The following WWOX variants were observed in gnomAD, a reference collection of about 807,000 sequenced individuals.
The protein encoded by WWOX is WW domain-containing oxidoreductase.
In WWOX, 69 loss-of-function variants were observed where a neutral mutation model predicts 46.2. The ratio of observed to expected loss-of-function variants is 1.49; its 90% CI spans 1.23 to 1.82. WWOX has a LOEUF of 1.82. Among genes scored for constraint, WWOX ranks in the 40% most tolerant of loss-of-function variants. The probability of loss-of-function intolerance (pLI) is 0.00; values close to 1 mark genes in which losing one functional copy is unlikely to be tolerated. For synonymous variants in WWOX, 359 were observed against 202.6 expected (o/e 1.77, Z -6.56); for missense variants, 919 against 542.6 (o/e 1.69, Z -6.89).
At chr16:79,012,058 T>C (rs2047321543) in intron 8 of WWOX, among the ~76,000 whole-genome samples, 1 of 152,168 alleles carries the variant, frequency 6.6e-6, no homozygotes, top group South Asian at 2.1e-4. Context: ...GAATAAAGTG[T>C]CAAAGCCAAC....
At chr16:78,575,022 AATATATATATATATATATATATATATAT>A (rs1215227335) in intron 8 of WWOX, among the ~76,000 whole-genome samples, 26 of 13,998 alleles carry the variant, frequency 1.9e-3, no homozygotes, top group African/African-American at 3.5e-3. Context: ...TATATATATA[AATATATATATATATATATATATATATAT>A]ATATATATAT....
chr16:79,178,141 G>C (rs1296271785), intron 8 of WWOX, among the ~76,000 whole-genome samples: 2 of 152,134 alleles, frequency 1.3e-5, no homozygotes, highest in African/African-American at 2.4e-5. Context: ...TTCAACGCTT[G>C]AATTTTTTGA....
At chr16:78,969,770 T>G (rs2046434895) in intron 8 of WWOX, among the ~76,000 whole-genome samples, 1 of 152,152 alleles carries the variant, frequency 6.6e-6, no homozygotes, top group South Asian at 2.1e-4. Flanking sequence ...TTATATGATT[T>G]CATTTACATG....
intron 8 of WWOX, among the ~76,000 whole-genome samples, chr16:79,011,966 C>T (rs910776671): frequency 2.6e-5 from 4 of 152,110 alleles, no homozygotes; most frequent in Non-Finnish European, 5.9e-5. Flanking sequence ...TGTCAACTTC[C>T]TTATCTAGAA....
intron 8 of WWOX, among the ~76,000 whole-genome samples, chr16:79,198,759 C>A (rs2051290140): frequency 6.6e-6 from 1 of 152,072 alleles, no homozygotes; most frequent in African/African-American, 2.4e-5. Flanking sequence ...ATGGAAATAC[C>A]ATATTATTAT....
intron 8 of WWOX, among the ~76,000 whole-genome samples, chr16:79,112,612 T>G (rs1198774157): frequency 6.6e-6 from 1 of 152,228 alleles, no homozygotes; most frequent in Non-Finnish European, 1.5e-5. Flanking sequence ...CTCGGTTTTA[T>G]TTCTCACTCT....
intron 5 of WWOX, among the ~76,000 whole-genome samples, chr16:78,381,822 G>C (rs1597135341): frequency 6.6e-6 from 1 of 152,014 alleles, no homozygotes; most frequent in South Asian, 2.1e-4. Flanking sequence ...AAGGAATGAG[G>C]GATATATGGA....
chr16:79,038,704 C>A (rs945725682), intron 8 of WWOX, among the ~76,000 whole-genome samples: 4 of 152,034 alleles, frequency 2.6e-5, no homozygotes, highest in Non-Finnish European at 5.9e-5. Flanking sequence ...CACCCACCAC[C>A]ACACCCAACT....
chr16:79,202,347 G>A (rs1049231439), intron 8 of WWOX, among the ~76,000 whole-genome samples: 1 of 152,186 alleles, frequency 6.6e-6, no homozygotes, highest in Non-Finnish European at 1.5e-5. Context: ...GGGACCCTCA[G>A]TAGTGTTTTG....
At chr16:78,432,279 T>C (rs1301084955) in intron 7 of WWOX, among the ~76,000 whole-genome samples, 2 of 152,146 alleles carry the variant, frequency 1.3e-5, no homozygotes, top group African/African-American at 4.8e-5. Flanking sequence ...CTAATTTTTG[T>C]ATTTTTAGTA....
intron 8 of WWOX, among the ~76,000 whole-genome samples, chr16:79,086,000 AG>A (rs2048847396): frequency 6.6e-6 from 1 of 152,024 alleles, no homozygotes; most frequent in Admixed American, 6.6e-5. Context: ...TGCATCCAGG[AG>A]GTTGAGGCTG....
At chr16:79,084,653 T>G (rs1441437552) in intron 8 of WWOX, among the ~76,000 whole-genome samples, 1 of 152,220 alleles carries the variant, frequency 6.6e-6, no homozygotes, top group Non-Finnish European at 1.5e-5. Context: ...GGCCTCGTGA[T>G]GCACCCGCAT....
At chr16:78,830,252 T>A (rs2051779773) in intron 8 of WWOX, among the ~76,000 whole-genome samples, 1 of 152,184 alleles carries the variant, frequency 6.6e-6, no homozygotes, top group African/African-American at 2.4e-5. Context: ...TGAATGATAT[T>A]TATATGGGGT....
intron 8 of WWOX, among the ~76,000 whole-genome samples, chr16:79,151,728 G>A (rs902564488): frequency 2.6e-5 from 4 of 152,156 alleles, no homozygotes; most frequent in Admixed American, 6.5e-5. Flanking sequence ...GTCTCCGAAC[G>A]GCCTGCCAGG....
intron 6 of WWOX, 140 bp from the exon 7 acceptor site, chr16:78,424,730 G>C (rs1195972260): frequency 1.0e-6 from 1 of 997,212 alleles, no homozygotes; most frequent in Non-Finnish European, 1.6e-6. Flanking sequence ...GACGGAGAAA[G>C]AATTTCTCAT....
intron 5 of WWOX, among the ~76,000 whole-genome samples, chr16:78,376,528 A>G (rs569273685): frequency 6.6e-6 from 1 of 152,186 alleles, no homozygotes; most frequent in Admixed American, 6.5e-5. Flanking sequence ...AACTAACAGT[A>G]AGTATAAATA....
At chr16:78,236,842 C>T (rs141634713) in intron 5 of WWOX, among the ~76,000 whole-genome samples, 1,728 of 152,038 alleles carry the variant, frequency 0.011, 22 homozygotes, top group African/African-American at 0.039. Context: ...TTTGGGAGGC[C>T]GAGATGGGAG....
chr16:78,604,252 G>GGC (rs1190292519), intron 8 of WWOX, among the ~76,000 whole-genome samples: 5 of 152,074 alleles, frequency 3.3e-5, no homozygotes, highest in African/African-American at 1.2e-4. Context: ...TAACTCCTGG[G>GGC]GCACCCTTCC....
rs1372584693 is a variant in WWOX at position 78,852,697 on chromosome 16, C to T, written c.1057-358911C>T. The stretch of plus-strand genomic sequence containing the variant: ...CATTTTGGAGTAATTTGCTACACAC[C>T]AATATTAATACAGAGCCCATATGCG... On this transcript the variant is annotated intron_variant, in intron 8 of 8. Coordinates refer to ENST00000566780, the MANE Select transcript of WWOX (RefSeq NM_016373.4). Among the ~76,000 whole-genome samples the T allele has an allele frequency of 2.0e-5, 3 of 151,952 alleles. 1 individual carries two copies. Among genetic ancestry groups the T allele is most frequent in the Non-Finnish European group, 4.4e-5 (3 of 68,000 alleles).
Sources: gnomAD v4.1 joint callset for allele counts (sites outside exome capture counted in the v4.1 genomes callset) on GRCh38, gnomAD v4.1.1 for gene constraint, MANE v1.5 for transcripts, NCBI Gene and HGNC (gene_info 2026-07-23, HGNC 2026-07-21) for gene names.